The following ZC3H12C variants were observed in gnomAD, a reference collection of about 807,000 sequenced individuals.
The protein encoded by ZC3H12C is probable ribonuclease ZC3H12C.
In ZC3H12C, 20 loss-of-function variants were observed where a neutral mutation model predicts 76.3. The observed-to-expected ratio is 0.26, with a 90% confidence interval of 0.18 to 0.38. The LOEUF is 0.38. Ranked by LOEUF, ZC3H12C falls within the 10% of genes least tolerant of loss-of-function variation. The pLI, the probability that ZC3H12C is intolerant of heterozygous loss-of-function variation, is 1.00. For synonymous variants in ZC3H12C, 352 were observed against 399.6 expected (o/e 0.88, Z 1.42); for missense variants, 874 against 1,086.5 (o/e 0.80, Z 2.75).
At chr11:110,125,498 A>T (rs2134166222) in intron 1 of ZC3H12C, among the ~76,000 whole-genome samples, 1 of 152,128 alleles carries the variant, frequency 6.6e-6, no homozygotes, top group African/African-American at 2.4e-5. Context: ...TTGTATTTTT[A>T]GCAGAGACGG....
intron 1 of ZC3H12C, among the ~76,000 whole-genome samples, chr11:110,113,705 T>C (rs2134155786): frequency 6.6e-6 from 1 of 152,354 alleles, no homozygotes; most frequent in Admixed American, 6.5e-5. Context: ...CATCCTCTTC[T>C]CTGTGCCATC....
At chr11:110,109,862 G>A (rs1861396225) in intron 1 of ZC3H12C, among the ~76,000 whole-genome samples, 2 of 152,110 alleles carry the variant, frequency 1.3e-5, no homozygotes, top group Non-Finnish European at 2.9e-5. Flanking sequence ...GGGATTTTTA[G>A]ATGGTTGGCT....
chr11:110,113,880 G>A (rs1861478138), intron 1 of ZC3H12C, among the ~76,000 whole-genome samples: 1 of 152,018 alleles, frequency 6.6e-6, no homozygotes. Flanking sequence ...TTCCTAAATT[G>A]TCATCTTTGA....
At chr11:110,150,759 GA>G (rs1299629290) in intron 2 of ZC3H12C, among the ~76,000 whole-genome samples, 3 of 151,794 alleles carry the variant, frequency 2.0e-5, no homozygotes, top group Non-Finnish European at 2.9e-5. Flanking sequence ...TATGGTTGTG[GA>G]TTTTTTTCAT....
rs1402977568 is a variant in ZC3H12C at position 110,168,125 on chromosome 11, C to G, written c.*2388C>G. 6.6e-6 allele frequency: 1 copy of G among 152,042 alleles called. No homozygotes were observed. The highest frequency in any genetic ancestry group is 2.4e-5 in the African/African-American group (1 of 41,378). The allele number at this position is 152,042 out of a possible 1,614,324, so 9.4% of individuals were successfully genotyped here. ...GATCTTAGGTGAGATGTGTGTGACA[C>G]TTTGAATTTGACCTTCTTGTGTTAT... On this transcript the variant is annotated 3_prime_UTR_variant, in exon 6 of 6. Coordinates refer to ENST00000278590, the MANE Select transcript of ZC3H12C (RefSeq NM_033390.2).
At chr11:110,145,293 G>A (rs1191135316) in intron 2 of ZC3H12C, among the ~76,000 whole-genome samples, 1 of 152,134 alleles carries the variant, frequency 6.6e-6, no homozygotes, top group Non-Finnish European at 1.5e-5. Context: ...TTAGTCTTGA[G>A]TAAAGATAAT....
At position 110,137,562 on chromosome 11, in the gene ZC3H12C, G is replaced by A. The variant is rs535232707; in HGVS notation, c.773+148G>A. On this transcript the variant is annotated intron_variant, in intron 2 of 5. Transcript: ENST00000278590. ...TAACATTAGAAAACATTAGTTTTCCGTCTCTCTTCTTTCAGGGCACTCAGC... is the reference window on the plus strand; with the variant it reads ...TAACATTAGAAAACATTAGTTTTCCATCTCTCTTCTTTCAGGGCACTCAGC... The A allele has an allele frequency of 1.4e-4, 146 of 1,060,214 alleles. No individual in the cohort carries two copies. In the South Asian group the frequency reaches 2.4e-3, roughly 17 times the overall value. 65.7% of individuals were successfully genotyped at this position (1,060,214 alleles called of 1,614,324 possible). A position where few individuals can be genotyped will look rare whatever the true frequency, so the allele number is the denominator to read the frequency against.
At chr11:110,121,138 A>G (rs1861644303) in intron 1 of ZC3H12C, among the ~76,000 whole-genome samples, 2 of 152,216 alleles carry the variant, frequency 1.3e-5, no homozygotes, top group South Asian at 4.1e-4. Flanking sequence ...AGGTGATATC[A>G]ATGTATATCT....
chr11:110,150,930 T>C (rs686325), intron 2 of ZC3H12C, among the ~76,000 whole-genome samples: 104,728 of 152,000 alleles, frequency 0.69, 36,878 homozygotes, highest in South Asian at 0.79. Context: ...GAGCTGTGCC[T>C]AGCATAGCAA....
Position 110,104,830 on chromosome 11 carries a change from C to T in ZC3H12C, c.21+11398C>T, listed in dbSNP as rs1287392714. Among the ~76,000 whole-genome samples the T allele has an allele frequency of 2.0e-5, 3 of 152,274 alleles. No homozygotes were observed. The East Asian group carries it at 5.8e-4, about 29-fold the overall frequency. On this transcript the variant is annotated intron_variant, in intron 1 of 5. Transcript: ENST00000278590. ...ATATTCTGAAATGATTTAGCAGTGT[C>T]GTTGATTTGATTGAACAGAGATTTT... is the stretch of plus-strand genomic sequence containing the variant.
intron 2 of ZC3H12C, among the ~76,000 whole-genome samples, chr11:110,138,643 C>T (rs770304611): frequency 4.6e-5 from 7 of 151,752 alleles, no homozygotes; most frequent in Admixed American, 4.6e-4. Context: ...CTGCAACCTC[C>T]GCCCCCAGGT....
At chr11:110,112,883 CTGT>C (rs1273453189) in intron 1 of ZC3H12C, among the ~76,000 whole-genome samples, 1 of 152,062 alleles carries the variant, frequency 6.6e-6, no homozygotes, top group Admixed American at 6.6e-5. Context: ...GTTATTCTTT[CTGT>C]TGTTCTAATT....
At chr11:110,128,134 T>C (rs1213384504) in intron 1 of ZC3H12C, among the ~76,000 whole-genome samples, 3 of 152,102 alleles carry the variant, frequency 2.0e-5, no homozygotes, top group Non-Finnish European at 4.4e-5. Flanking sequence ...CTTTTTTTTT[T>C]TTCTGTCATA....
At chr11:110,095,033 A>T (rs991638024) in intron 1 of ZC3H12C, among the ~76,000 whole-genome samples, 12 of 152,224 alleles carry the variant, frequency 7.9e-5, no homozygotes, top group African/African-American at 2.9e-4. Flanking sequence ...CCTTTATTTA[A>T]TAAGGGAAGT....
Position 110,170,183 on chromosome 11 carries a change from TTTC to T in ZC3H12C, c.*4449_*4451del, listed in dbSNP as rs1862651467. 6.6e-6 allele frequency: 1 copy of T among 152,170 alleles called. No individual in the cohort carries two copies. Among genetic ancestry groups the T allele is most frequent in the South Asian group, 2.1e-4 (1 of 4,836 alleles). 9.4% of individuals were successfully genotyped at this position (152,170 alleles called of 1,614,324 possible). A position where few individuals can be genotyped will look rare whatever the true frequency, so the allele number is the denominator to read the frequency against. On this transcript the variant is annotated 3_prime_UTR_variant, in exon 6 of 6. Transcript: ENST00000278590. ...TTACACCCATTATTTATTAGAGATA[TTTC>T]TTGTGTTTAACCACAAAAAAAAGCA... is the stretch of plus-strand genomic sequence containing the variant.
rs1284180635 is a variant in ZC3H12C, at chr11:110,144,405, A to C, written c.773+6991A>C. Among the ~76,000 whole-genome samples the C allele has an allele frequency of 2.0e-5, 3 of 152,214 alleles. No individual in the cohort carries two copies. In the East Asian group the frequency reaches 5.8e-4, roughly 29 times the overall value. On this transcript the variant is annotated intron_variant, in intron 2 of 5. Transcript: ENST00000278590. ...TGAGGTTATTTTCATTTTAAAGATG[A>C]GAAATTGAGATTCAGAATAAGAATC...
At chr11:110,108,641 C>T (rs987031141) in intron 1 of ZC3H12C, among the ~76,000 whole-genome samples, 1 of 152,168 alleles carries the variant, frequency 6.6e-6, no homozygotes, top group African/African-American at 2.4e-5. Flanking sequence ...ATAGTCCATC[C>T]AATACTGTAT....
chr11:110,127,476 G>A (rs572317984), intron 1 of ZC3H12C, among the ~76,000 whole-genome samples: 1 of 152,046 alleles, frequency 6.6e-6, no homozygotes, highest in African/African-American at 2.4e-5. Flanking sequence ...GGTGGTGGTG[G>A]TTGCTTCTTT....
At chr11:110,104,721 A>T (rs1405840744) in intron 1 of ZC3H12C, among the ~76,000 whole-genome samples, 3 of 152,224 alleles carry the variant, frequency 2.0e-5, no homozygotes, top group African/African-American at 7.2e-5. Context: ...TTTGTTATCC[A>T]TCAAACATGA....
Sources: allele counts gnomAD v4.1 joint callset (sites outside exome capture counted in the v4.1 genomes callset), GRCh38; gene constraint gnomAD v4.1.1; transcripts MANE v1.5; gene names NCBI Gene and HGNC (gene_info 2026-07-23, HGNC 2026-07-21).